Variants in SPIRE1 observed in about 807,000 individuals in gnomAD.
SPIRE1 encodes spire type actin nucleation factor 1, also known as protein spire homolog 1.
SPIRE1 carries 40 observed loss-of-function variants against 94.1 expected under a neutral mutation model. That is an observed-to-expected ratio of 0.43 (90% CI 0.33 to 0.55). The LOEUF (loss-of-function observed/expected upper bound fraction) is 0.55. Among genes scored for constraint, SPIRE1 ranks in the 20% least tolerant of loss-of-function variants. The pLI is 0.06. For missense variants in SPIRE1, 838 were observed against 975.2 expected (o/e 0.86, Z 1.87); for synonymous variants, 376 against 371.7 (o/e 1.01, Z -0.13).
At chr18:12,549,345 TTAAC>T (rs752985414) in intron 2 of SPIRE1, among the ~76,000 whole-genome samples, 2 of 152,084 alleles carry the variant, frequency 1.3e-5, no homozygotes, top group Non-Finnish European at 2.9e-5. Context: ...GAAATCACAA[TTAAC>T]TGAGTTTTAC....
intron 6 of SPIRE1, 67 bp downstream of exon 6, chr18:12,506,410 C>A: frequency 1.4e-6 from 2 of 1,424,396 alleles, no homozygotes; most frequent in African/African-American, 1.4e-5. Flanking sequence ...CCACCTGCCT[C>A]GACCTCCCAA....
chr18:12,517,840 C>G (rs2034240259), intron 4 of SPIRE1, among the ~76,000 whole-genome samples: 1 of 152,034 alleles, frequency 6.6e-6, no homozygotes, highest in South Asian at 2.1e-4. Flanking sequence ...CCTTCTTATT[C>G]ACATATATGT....
Position 12,485,859 on chromosome 18 carries a change from T to C in SPIRE1, c.1231+100A>G, listed in dbSNP as rs1042740851. The stretch of plus-strand genomic sequence containing the variant: ...CCACGGCTTAGCAGAAGCCTTTCAA[T>C]TTTCTTTTTTAACATGTTTGAACAA... On this transcript the variant is annotated intron_variant, in intron 9 of 16. Coordinates refer to ENST00000409402, the MANE Select transcript of SPIRE1 (RefSeq NM_001128626.2). 11 of 895,886 alleles carry C rather than the reference T, an allele frequency of 1.2e-5. No homozygotes were observed. The African/African-American group carries it at 1.4e-4, about 11-fold the overall frequency. 55.5% of individuals were successfully genotyped at this position (895,886 alleles called of 1,614,324 possible).
chr18:12,536,427 GAGA>G (rs1228697306), intron 3 of SPIRE1, among the ~76,000 whole-genome samples: 1 of 152,080 alleles, frequency 6.6e-6, no homozygotes, highest in Admixed American at 6.6e-5. Flanking sequence ...TACCAAGAGG[GAGA>G]AGGAGAAGTC....
At chr18:12,607,223 C>T (rs556256816) in intron 2 of SPIRE1, among the ~76,000 whole-genome samples, 3 of 152,248 alleles carry the variant, frequency 2.0e-5, no homozygotes, top group South Asian at 4.1e-4. Flanking sequence ...AATAGCAGTT[C>T]GTTTTTTTAG....
chr18:12,558,196 T>C (rs2144369768), intron 2 of SPIRE1, among the ~76,000 whole-genome samples: 1 of 152,290 alleles, frequency 6.6e-6, no homozygotes, highest in South Asian at 2.1e-4. Context: ...TTTAGATGTG[T>C]CCGGAGTTAG....
chr18:12,534,948 G>C, intron 4 of SPIRE1, among the ~76,000 whole-genome samples: 1 of 152,084 alleles, frequency 6.6e-6, no homozygotes, highest in Admixed American at 6.6e-5. Context: ...AACATGTACT[G>C]AGCTCTCACC....
chr18:12,483,350 A>G (rs1025387), intron 9 of SPIRE1, among the ~76,000 whole-genome samples: 16,840 of 152,210 alleles, frequency 0.11, 1,897 homozygotes, highest in African/African-American at 0.29. Flanking sequence ...TGAGAAAAGC[A>G]AAACACTTGG....
chr18:12,658,310 C>T (rs554749966), upstream of SPIRE1: 4 of 440,306 alleles, frequency 9.1e-6, no homozygotes, highest in Middle Eastern at 1.0e-3. Context: ...TCGGGGGGCC[C>T]GGTCGCAAGG....
intron 2 of SPIRE1, among the ~76,000 whole-genome samples, chr18:12,611,770 G>A (rs568444278): frequency 3.1e-4 from 47 of 152,034 alleles, no homozygotes; most frequent in Admixed American, 2.3e-3. Context: ...TCAAGTGATC[G>A]TTCCTGCCTC....
At chr18:12,613,159 T>C (rs1167030614) in intron 2 of SPIRE1, among the ~76,000 whole-genome samples, 1 of 152,208 alleles carries the variant, frequency 6.6e-6, no homozygotes, top group African/African-American at 2.4e-5. Context: ...TAAACTTTTG[T>C]TTTTTAAAGT....
chr18:12,457,868 G>A (rs1382846093), intron 12 of SPIRE1, among the ~76,000 whole-genome samples: 2 of 140,150 alleles, frequency 1.4e-5, no homozygotes, highest in Admixed American at 7.3e-5. Context: ...TTTTTGAGAT[G>A]GAGTCTCGCT....
intron 1 of SPIRE1, among the ~76,000 whole-genome samples, chr18:12,652,411 A>G (rs2144898437): frequency 6.6e-6 from 1 of 152,356 alleles, no homozygotes; most frequent in East Asian, 1.9e-4. Flanking sequence ...ACTGGAGAAA[A>G]TAAAATGTTA....
chr18:12,461,352 G>C (rs1157384078), intron 12 of SPIRE1, among the ~76,000 whole-genome samples: 1 of 151,884 alleles, frequency 6.6e-6, no homozygotes, highest in Admixed American at 6.6e-5. Context: ...GTGAAGAAGA[G>C]AATACCCTAA....
chr18:12,659,634 C>T (rs1410213197), upstream of SPIRE1, among the ~76,000 whole-genome samples: 1 of 152,108 alleles, frequency 6.6e-6, no homozygotes, highest in African/African-American at 2.4e-5. Flanking sequence ...CACACCACTG[C>T]ACTCCAGCCT....
At chr18:12,547,041 C>T in intron 2 of SPIRE1, 137 bp from the exon 3 acceptor site, 1 of 586,564 alleles carries the variant, frequency 1.7e-6, no homozygotes, top group Non-Finnish European at 3.0e-6. Flanking sequence ...TTTATATTCT[C>T]TTAGATTTAT....
chr18:12,564,454 G>A (rs529432160), intron 2 of SPIRE1, among the ~76,000 whole-genome samples: 10 of 152,092 alleles, frequency 6.6e-5, no homozygotes, highest in Non-Finnish European at 1.3e-4. Flanking sequence ...AAAACACCAT[G>A]AACAAAGTAA....
chr18:12,636,477 A>C (rs966852342), intron 1 of SPIRE1: 1 of 151,880 alleles, frequency 6.6e-6, no homozygotes, highest in African/African-American at 2.4e-5. Context: ...AATAAAAAAT[A>C]AAATTGAAAC....
At chr18:12,460,479 G>T (rs887134466) in intron 12 of SPIRE1, among the ~76,000 whole-genome samples, 1 of 152,216 alleles carries the variant, frequency 6.6e-6, no homozygotes, top group African/African-American at 2.4e-5. Context: ...TTGGGAGGCC[G>T]AGGCGGGCAG....
Sources: allele counts gnomAD v4.1 joint callset (sites outside exome capture counted in the v4.1 genomes callset), GRCh38; gene constraint gnomAD v4.1.1; transcripts MANE v1.5; gene names NCBI Gene and HGNC (gene_info 2026-07-23, HGNC 2026-07-21).